Variants in OR51B5 observed in about 807,000 individuals in gnomAD.
The protein encoded by OR51B5 is olfactory receptor family 51 subfamily B member 5, also known as olfactory receptor 51B5.
For missense variants in OR51B5, 456 were observed against 374.6 expected (o/e 1.22, Z -1.79); for synonymous variants, 186 against 144.8 (o/e 1.28, Z -2.04).
intron 1 of OR51B5, chr11:5,454,245 G>C: frequency 6.2e-7 from 1 of 1,614,150 alleles, no homozygotes; most frequent in Non-Finnish European, 8.5e-7. Flanking sequence ...TGCATTTTAT[G>C]TGCCAATGAT....
intron 1 of OR51B5, among the ~76,000 whole-genome samples, chr11:5,360,065 A>C (rs1849256866): frequency 1.3e-5 from 2 of 152,172 alleles, no homozygotes; most frequent in African/African-American, 2.4e-5. Flanking sequence ...AGGCAATACC[A>C]TTCAGGACAT....
At chr11:5,448,716 T>C (rs1004195961) in intron 1 of OR51B5, among the ~76,000 whole-genome samples, 8 of 152,170 alleles carry the variant, frequency 5.3e-5, no homozygotes, top group African/African-American at 1.2e-4. Flanking sequence ...CACCAATTAA[T>C]TGTGAACTTT....
In OR51B5 at chr11:5,411,427, A is replaced by G. The variant is rs1279924381; in HGVS notation, n.85-64517T>C. Reference sequence around the variant, plus strand: ...AGTATGATGTTGGCACAACTACAATATTGACTAACAACACATATCTCAGGA... The same window carrying G: ...AGTATGATGTTGGCACAACTACAATGTTGACTAACAACACATATCTCAGGA... On this transcript the variant is annotated intron_variant and non_coding_transcript_variant, in intron 1 of 4. Transcript: ENST00000415970. 7.2e-5 allele frequency among the ~76,000 whole-genome samples: 11 copies of G among 151,972 alleles called. 1 individual carries two copies. Among genetic ancestry groups the G allele is most frequent in the Admixed American group, 7.2e-4 (11 of 15,264 alleles).
chr11:5,423,035 G>A (rs1471783988), intron 1 of OR51B5: 1 of 1,613,894 alleles, frequency 6.2e-7, no homozygotes, highest in African/African-American at 1.3e-5. Flanking sequence ...TGTTATCATG[G>A]CCAATATCTA....
intron 1 of OR51B5, chr11:5,422,533 T>C: frequency 6.2e-7 from 1 of 1,614,158 alleles, no homozygotes; most frequent in East Asian, 2.2e-5. Context: ...GATTCTCCTT[T>C]ATGGAGTCTT....
intron 1 of OR51B5, among the ~76,000 whole-genome samples, chr11:5,446,917 T>C (rs1850773582): frequency 2.0e-5 from 3 of 152,212 alleles, no homozygotes; most frequent in African/African-American, 7.2e-5. Context: ...TCGTGTTTGA[T>C]AGTGTACCTG....
At chr11:5,389,597 C>G (rs757263446) in intron 1 of OR51B5, 18 of 1,613,800 alleles carry the variant, frequency 1.1e-5, no homozygotes, top group Non-Finnish European at 1.4e-5. Context: ...CAACCCTCGT[C>G]TGCACACACC....
At chr11:5,405,411 A>G (rs1226716636) in intron 1 of OR51B5, among the ~76,000 whole-genome samples, 1 of 152,186 alleles carries the variant, frequency 6.6e-6, no homozygotes, top group Non-Finnish European at 1.5e-5. Flanking sequence ...TCTCATTAGT[A>G]GTCAGTCAAG....
At chr11:5,453,772 A>T (rs543285499) in intron 1 of OR51B5, 1 of 1,614,140 alleles carries the variant, frequency 6.2e-7, no homozygotes, top group Non-Finnish European at 8.5e-7. Context: ...ATCACTTTTG[A>T]TGCCTGTCTA....
At chr11:5,411,406 T>G (rs1003323743) in intron 1 of OR51B5, among the ~76,000 whole-genome samples, 1 of 152,104 alleles carries the variant, frequency 6.6e-6, no homozygotes, top group African/African-American at 2.4e-5. Context: ...GAGTACAGTA[T>G]GATGTTGGCA....
intron 1 of OR51B5, among the ~76,000 whole-genome samples, chr11:5,350,198 AATCACTAGTAGTCTTTACAGG>A (rs142666858): frequency 0.16 from 23,678 of 152,158 alleles, 2,153 homozygotes; most frequent in Non-Finnish European, 0.21. Context: ...AGAAGACAGA[AATCACTAGTAGTCTTTACAGG>A]TTATGTAACC....
At chr11:5,451,744 G>T (rs568502508) in intron 1 of OR51B5, among the ~76,000 whole-genome samples, 1 of 152,126 alleles carries the variant, frequency 6.6e-6, no homozygotes, top group Non-Finnish European at 1.5e-5. Flanking sequence ...AGCATGGTCC[G>T]GTCTTGCTTT....
rs756070897 is a variant in OR51B5, at chr11:5,489,425, C to T, written n.84+16144G>A. On this transcript the variant is annotated intron_variant and non_coding_transcript_variant, in intron 1 of 4. Coordinates refer to the OR51B5 transcript ENST00000415970. The stretch of plus-strand genomic sequence containing the variant: ...CCATCTCATGATGCCCAGCACAAAG[C>T]TCTGAGTACCTGTGGCTCCCACATT... 9 of 1,613,752 alleles carry T rather than the reference C, an allele frequency of 5.6e-6. No individual in the cohort carries two copies. The African/African-American group carries it at 9.3e-5, about 17-fold the overall frequency.
chr11:5,459,989 A>G (rs1418056024), intron 1 of OR51B5, among the ~76,000 whole-genome samples: 2 of 152,214 alleles, frequency 1.3e-5, no homozygotes, highest in African/African-American at 2.4e-5. Context: ...ATGCCCATCA[A>G]TGGTATACTG....
At chr11:5,437,837 C>T (rs368788208) in intron 1 of OR51B5, among the ~76,000 whole-genome samples, 26 of 152,202 alleles carry the variant, frequency 1.7e-4, no homozygotes, top group African/African-American at 6.0e-4. Flanking sequence ...TTGTTCATCT[C>T]AGTTTTAGAG....
chr11:5,356,385 G>T (rs1849195666), intron 1 of OR51B5, among the ~76,000 whole-genome samples: 2 of 151,624 alleles, frequency 1.3e-5, no homozygotes, highest in African/African-American at 4.9e-5. Context: ...AGTGATGGAA[G>T]ATCAAATGAA....
intron 1 of OR51B5, among the ~76,000 whole-genome samples, chr11:5,358,309 A>G (rs1412387273): frequency 2.0e-5 from 3 of 151,938 alleles, no homozygotes; most frequent in Non-Finnish European, 4.4e-5. Flanking sequence ...GATAAAGGGT[A>G]TATCACCACC....
chr11:5,467,052 A>C (rs58652566), intron 1 of OR51B5, among the ~76,000 whole-genome samples: 3,945 of 152,262 alleles, frequency 0.026, 195 homozygotes, highest in East Asian at 0.21. Context: ...TTTGCTGGAC[A>C]TTTTTGAGAT....
chr11:5,398,453 C>T lies in OR51B5; in HGVS notation n.85-51543G>A, dbSNP rs555151192. Among the ~76,000 whole-genome samples, 691 of 152,216 alleles carry T rather than the reference C, an allele frequency of 4.5e-3. 2 individuals are homozygous for T. The highest frequency in any genetic ancestry group is 8.2e-3 in the Non-Finnish European group (558 of 68,024). On this transcript the variant is annotated intron_variant and non_coding_transcript_variant, in intron 1 of 4. Transcript: ENST00000415970. ...TCAAAAAATGGGCAGCATTCCAGCC[C>T]CAGGACTAAGAAGATATGAATGCCA... is the stretch of plus-strand genomic sequence containing the variant.
Sources: allele counts gnomAD v4.1 joint callset (sites outside exome capture counted in the v4.1 genomes callset), GRCh38; gene constraint gnomAD v4.1.1; transcripts MANE v1.5; gene names NCBI Gene and HGNC (gene_info 2026-07-23, HGNC 2026-07-21).